Variants in CEP104 observed in about 807,000 individuals in gnomAD.
CEP104 encodes the protein centrosomal protein 104, also known as centrosomal protein of 104 kDa.
In CEP104, 84 loss-of-function variants were observed where a neutral mutation model predicts 113.3. The ratio of observed to expected loss-of-function variants is 0.74; its 90% CI spans 0.62 to 0.89. The LOEUF (loss-of-function observed/expected upper bound fraction) is 0.89, where lower values mean the gene tolerates loss of function less well. CEP104 is among the 40% of genes least tolerant of loss of function. The pLI, the probability that CEP104 is intolerant of heterozygous loss-of-function variation, is 0.00. For synonymous variants in CEP104, 378 were observed against 421.7 expected, an observed-to-expected ratio of 0.90 and a Z score of 1.27; for missense variants, 1,053 against 1,156.6, an observed-to-expected ratio of 0.91 and a Z score of 1.30.
intron 15 of CEP104, among the ~76,000 whole-genome samples, chr1:3,828,030 C>G (rs1644126479): frequency 6.6e-6 from 1 of 152,182 alleles, no homozygotes; most frequent in Non-Finnish European, 1.5e-5. Flanking sequence ...GACCCCGGGA[C>G]AGACAGTGCT....
At chr1:3,852,447 C>A in intron 1 of CEP104, 26 bp from the exon 2 acceptor site, 2 of 1,587,834 alleles carry the variant, frequency 1.3e-6, no homozygotes, top group Middle Eastern at 1.7e-4. Flanking sequence ...GGAAAAACTT[C>A]TTTAAAACAA....
chr1:3,839,857 C>T (rs1570820794), intron 6 of CEP104, 81 bp from the exon 7 acceptor site: 6 of 1,138,036 alleles, frequency 5.3e-6, no homozygotes, highest in Admixed American at 2.1e-5. Flanking sequence ...TGAGAAGATG[C>T]CCCTCCCCAT....
rs1385600423 is a variant in CEP104, at chr1:3,844,907, C to T, written c.566G>A (p.Arg189Lys). Reference protein sequence around the residue: ...EDPALEGTYARKSDYISPLDD... With the variant: ...EDPALEGTYAKKSDYISPLDD... ...CATTGATGGGGAGCAGGACTCTTACCTGGCGTACGTTCCTTCTAGAGCAGG... is the reference window on the plus strand; with the variant it reads ...CATTGATGGGGAGCAGGACTCTTACTTGGCGTACGTTCCTTCTAGAGCAGG... The change falls in exon 6 of 22, where the codon AGG becomes AAG. Residue 189 changes from arginine to lysine, a missense_variant and splice_region_variant. Coordinates refer to ENST00000378230, the MANE Select transcript of CEP104 (RefSeq NM_014704.4). 10 of 1,612,960 alleles carry T rather than the reference C, an allele frequency of 6.2e-6. No homozygotes were observed. The highest frequency in any genetic ancestry group is 8.5e-6 in the Non-Finnish European group (10 of 1,178,988).
chr1:3,812,306 G>C lies in CEP104; in HGVS notation c.*3096C>G, dbSNP rs1157744694. On this transcript the variant is annotated 3_prime_UTR_variant, in exon 22 of 22. Coordinates refer to ENST00000378230, the MANE Select transcript of CEP104 (RefSeq NM_014704.4). ...TTATACATACAATTCTTTTAAGTTA[G>C]ATTTAATGGAATATCTTAACATATG... The C allele has an allele frequency of 6.6e-6, 1 of 152,020 alleles. No homozygotes were observed. The highest frequency in any genetic ancestry group is 2.4e-5 in the African/African-American group (1 of 41,378). 9.4% of individuals were successfully genotyped at this position (152,020 alleles called of 1,614,324 possible).
chr1:3,817,956 C>CTCAA (rs1175007720), intron 20 of CEP104, among the ~76,000 whole-genome samples: 1 of 152,272 alleles, frequency 6.6e-6, no homozygotes, highest in Non-Finnish European at 1.5e-5. Context: ...CAAGACCATT[C>CTCAA]TCAATCAGTC....
intron 20 of CEP104, among the ~76,000 whole-genome samples, chr1:3,818,038 T>C (rs544096867): frequency 6.6e-6 from 1 of 152,322 alleles, no homozygotes; most frequent in Non-Finnish European, 1.5e-5. Context: ...GGCCGCCCTA[T>C]GGCCAAGTGC....
At chr1:3,834,887 C>CA (rs1644280410) in intron 11 of CEP104, 38 bp downstream of exon 11, 2 of 1,546,310 alleles carry the variant, frequency 1.3e-6, no homozygotes, top group African/African-American at 1.4e-5. Context: ...TGATCTCATC[C>CA]ATGCACGCTG....
chr1:3,831,882 G>A (rs1259976488), intron 12 of CEP104, among the ~76,000 whole-genome samples: 1 of 152,174 alleles, frequency 6.6e-6, no homozygotes, highest in East Asian at 1.9e-4. Flanking sequence ...ACTCACTCTG[G>A]ATTTGGGCCT....
intron 1 of CEP104, 94 bp from the exon 2 acceptor site, chr1:3,852,515 C>T: frequency 9.3e-7 from 1 of 1,073,584 alleles, no homozygotes; most frequent in Non-Finnish European, 1.3e-6. Flanking sequence ...CTAACACACA[C>T]AATAATGCAC....
chr1:3,831,428 C>T (rs1336752355), intron 12 of CEP104, among the ~76,000 whole-genome samples: 1 of 152,174 alleles, frequency 6.6e-6, no homozygotes, highest in Non-Finnish European at 1.5e-5. Flanking sequence ...ATCTGAGCCA[C>T]AGGAAATAAA....
chr1:3,841,683 C>A (rs1390622190), intron 6 of CEP104, among the ~76,000 whole-genome samples: 2 of 152,230 alleles, frequency 1.3e-5, no homozygotes, highest in Non-Finnish European at 2.9e-5. Context: ...ACGTGCCAGT[C>A]ACACAGCTTT....
Position 3,837,529 on chromosome 1 carries a change from A to G in CEP104, c.892-10T>C, listed in dbSNP as rs1225074594. Reference sequence around the variant, plus strand: ...CAAAAGGTCTTCGCATCTAGAGAACAAAAAGGAACATTTAATTTCAAATGC... The same window carrying G: ...CAAAAGGTCTTCGCATCTAGAGAACGAAAAGGAACATTTAATTTCAAATGC... On this transcript the variant is annotated splice_polypyrimidine_tract_variant and intron_variant, in intron 8 of 21. Transcript: ENST00000378230. 1 of 1,610,596 alleles carries G rather than the reference A, an allele frequency of 6.2e-7. No individual in the cohort carries two copies. Among genetic ancestry groups the G allele is most frequent in the Non-Finnish European group, 8.5e-7 (1 of 1,177,032 alleles).
rs184967399 is a variant in CEP104, at chr1:3,823,061, C to G, written c.2571+113G>C. 1.0e-6 allele frequency: 1 copy of G among 963,766 alleles called. No individual in the cohort carries two copies. Among genetic ancestry groups the G allele is most frequent in the African/African-American group, 1.6e-5 (1 of 62,360 alleles). The allele number at this position is 963,766 out of a possible 1,614,324, so 59.7% of individuals were successfully genotyped here. A position where few individuals can be genotyped will look rare whatever the true frequency, so the allele number is the denominator to read the frequency against. ...AGACGCTGTCCCCTCCCTGAACACT[C>G]ATGTACTGTACTCTGTGGCTATGGT... On this transcript the variant is annotated intron_variant, in intron 20 of 21. Transcript: ENST00000378230. The surrounding 1 kb of genome is among the most constrained non-coding windows in gnomAD (Gnocchi z 4.1).
At chr1:3,837,617 C>T in intron 8 of CEP104, 98 bp from the exon 9 acceptor site, 3 of 1,010,166 alleles carry the variant, frequency 3.0e-6, no homozygotes, top group Non-Finnish European at 4.4e-6. Flanking sequence ...GAAAGCTGTG[C>T]TGGAAGAGGC....
rs34401151 is a variant in CEP104 at position 3,847,897 on chromosome 1, C to T, written c.288-284G>A. Reference sequence around the variant, plus strand: ...CTACCCAGGCTGGAGTGCAGTGGCGCGATCTTGGCTCATTCCAACCTCCAC... The same window carrying T: ...CTACCCAGGCTGGAGTGCAGTGGCGTGATCTTGGCTCATTCCAACCTCCAC... On this transcript the variant is annotated intron_variant, in intron 3 of 21. Coordinates refer to ENST00000378230, the MANE Select transcript of CEP104 (RefSeq NM_014704.4). 0.33 allele frequency among the ~76,000 whole-genome samples: 50,830 copies of T among 151,800 alleles called. 9,896 individuals are homozygous for T. Among genetic ancestry groups the T allele is most frequent in the Admixed American group, 0.45 (6,853 of 15,238 alleles).
chr1:3,815,566 G>C, intron 21 of CEP104, 49 bp from the exon 22 acceptor site: 2 of 1,354,010 alleles, frequency 1.5e-6, no homozygotes, highest in Non-Finnish European at 2.0e-6. Flanking sequence ...TCCTACCCAC[G>C]GACCAGGTGC....
At position 3,814,298 on chromosome 1, in the gene CEP104, T is replaced by C. The variant is rs1028978211; in HGVS notation, c.*1104A>G. On this transcript the variant is annotated 3_prime_UTR_variant, in exon 22 of 22. Coordinates refer to ENST00000378230, the MANE Select transcript of CEP104 (RefSeq NM_014704.4). ...CAGACAGACCCTGACTCCCTCCACA[T>C]GGCTGCCTGGATGTGACACAGGCCC... The C allele has an allele frequency of 6.6e-6, 1 of 152,252 alleles. No individual in the cohort carries two copies. The highest frequency in any genetic ancestry group is 1.5e-5 in the Non-Finnish European group (1 of 68,064). The allele number at this position is 152,252 out of a possible 1,614,324, so 9.4% of individuals were successfully genotyped here. A position where few individuals can be genotyped will look rare whatever the true frequency, so the allele number is the denominator to read the frequency against.
intron 1 of CEP104, among the ~76,000 whole-genome samples, chr1:3,854,030 C>T (rs1315984439): frequency 4.6e-5 from 7 of 152,238 alleles, no homozygotes; most frequent in African/African-American, 7.2e-5. Flanking sequence ...ATGCCAGAAA[C>T]GCACAGCCCA....
intron 20 of CEP104, among the ~76,000 whole-genome samples, chr1:3,816,784 C>T (rs941535134): frequency 5.9e-5 from 9 of 152,268 alleles, no homozygotes; most frequent in East Asian, 1.9e-4. Context: ...CACGGTTCCT[C>T]GTGGGGTTCC....
Sources: gnomAD v4.1 joint callset for allele counts (sites outside exome capture counted in the v4.1 genomes callset) on GRCh38, gnomAD v4.1.1 for gene constraint, Gnocchi (gnomAD v3.1) non-coding constraint, MANE v1.5 for transcripts, NCBI Gene and HGNC (gene_info 2026-07-23, HGNC 2026-07-21) for gene names.